CDH4: variants seen among roughly 807,000 people sequenced by gnomAD.
CDH4 encodes cadherin 4, also known as cadherin-4.
A neutral mutation model predicts 86.0 loss-of-function variants in CDH4; 33 were observed. The ratio of observed to expected loss-of-function variants is 0.38; its 90% CI spans 0.29 to 0.51. CDH4 has a LOEUF of 0.51. Ranked by LOEUF, CDH4 falls within the 20% of genes least tolerant of loss-of-function variation. The probability of loss-of-function intolerance (pLI) is 0.86; values close to 1 mark genes in which losing one functional copy is unlikely to be tolerated. For missense variants in CDH4, 1,114 were observed against 1,307.4 expected, an observed-to-expected ratio of 0.85 and a Z score of 2.28; for synonymous variants, 555 against 549.4, an observed-to-expected ratio of 1.01 and a Z score of -0.14.
chr20:61,911,952 T>A (rs2054855893), intron 9 of CDH4, among the ~76,000 whole-genome samples: 1 of 152,188 alleles, frequency 6.6e-6, no homozygotes. Context: ...TTCTCTCACG[T>A]GAGAGGAGTC....
At chr20:61,743,050 A>T (rs73915382) in intron 2 of CDH4, among the ~76,000 whole-genome samples, 22,743 of 152,248 alleles carry the variant, frequency 0.15, 2,025 homozygotes, top group Middle Eastern at 0.26. Flanking sequence ...TTCTGCTGCC[A>T]GAATCCACCT....
At chr20:61,442,098 A>G (rs560277039) in intron 2 of CDH4, among the ~76,000 whole-genome samples, 13 of 152,318 alleles carry the variant, frequency 8.5e-5, no homozygotes, top group Non-Finnish European at 1.8e-4. Context: ...TTCCAGAGAC[A>G]GTTATTACTG....
intron 2 of CDH4, among the ~76,000 whole-genome samples, chr20:61,342,424 T>G (rs1424950735): frequency 6.6e-6 from 1 of 152,184 alleles, no homozygotes; most frequent in Non-Finnish European, 1.5e-5. Flanking sequence ...CATCAGGCAT[T>G]AGATTCTCAT....
rs893454590 is a variant in CDH4 at position 61,508,118 on chromosome 20, C to T, written c.170-235445C>T. Among the ~76,000 whole-genome samples the T allele has an allele frequency of 4.6e-5, 7 of 152,166 alleles. 1 individual carries two copies. The highest frequency in any genetic ancestry group is 7.3e-5 in the Non-Finnish European group (5 of 68,032). ...GTTGTACAAACATAAGCATGCTTCC[C>T]GTGTCCCTAAAAATGTGTTTGGTCA... On this transcript the variant is annotated intron_variant, in intron 2 of 15. Coordinates refer to ENST00000614565, the MANE Select transcript of CDH4 (RefSeq NM_001794.5).
At chr20:61,547,452 G>A (rs990649179) in intron 2 of CDH4, among the ~76,000 whole-genome samples, 3 of 151,658 alleles carry the variant, frequency 2.0e-5, no homozygotes, top group Non-Finnish European at 4.4e-5. Context: ...CTGACCTTGT[G>A]ATCCACCCAC....
chr20:61,751,011 G>A (rs2088486817), intron 3 of CDH4, among the ~76,000 whole-genome samples: 1 of 152,236 alleles, frequency 6.6e-6, no homozygotes, highest in African/African-American at 2.4e-5. Context: ...GAAGGCTTAT[G>A]TTAGAATATT....
At chr20:61,494,709 G>A (rs1179939537) in intron 2 of CDH4, among the ~76,000 whole-genome samples, 1 of 152,216 alleles carries the variant, frequency 6.6e-6, no homozygotes, top group African/African-American at 2.4e-5. Flanking sequence ...CTAGTCAAAG[G>A]CATCAATTTT....
At chr20:61,795,119 AATG>A (rs1979464342) in intron 4 of CDH4, among the ~76,000 whole-genome samples, 1 of 1,040 alleles carries the variant, frequency 9.6e-4, no homozygotes, top group Non-Finnish European at 2.1e-3. Context: ...TGGTGGTGAT[AATG>A]GTGATGATGG....
chr20:61,629,323 C>T (rs1480464681), intron 2 of CDH4, among the ~76,000 whole-genome samples: 1 of 152,130 alleles, frequency 6.6e-6, no homozygotes, highest in Non-Finnish European at 1.5e-5. Flanking sequence ...CAGCCAGAGT[C>T]CCTGGGAGCA....
chr20:61,875,920 CCT>C (rs1683817154), intron 7 of CDH4, among the ~76,000 whole-genome samples: 1 of 139,918 alleles, frequency 7.1e-6, no homozygotes, highest in Non-Finnish European at 1.6e-5. Context: ...GAGGGCAGCC[CCT>C]GTTTGCGCTC....
At chr20:61,901,679 G>A (rs939887437) in intron 8 of CDH4, among the ~76,000 whole-genome samples, 5 of 152,264 alleles carry the variant, frequency 3.3e-5, no homozygotes, top group African/African-American at 1.2e-4. Context: ...AGCACCCAAC[G>A]CCGGGTGGCT....
intron 2 of CDH4, among the ~76,000 whole-genome samples, chr20:61,632,652 C>T (rs1021862238): frequency 4.0e-5 from 6 of 151,816 alleles, no homozygotes; most frequent in Admixed American, 6.6e-5. Flanking sequence ...ACCTCTCTTT[C>T]CATCTCCCCA....
At chr20:61,778,457 T>A (rs1978363934) in intron 4 of CDH4, among the ~76,000 whole-genome samples, 1 of 152,174 alleles carries the variant, frequency 6.6e-6, no homozygotes, top group Non-Finnish European at 1.5e-5. Flanking sequence ...ATCACGTCTC[T>A]TCCTAAGCAC....
At chr20:61,524,365 C>T (rs778755989) in intron 2 of CDH4, among the ~76,000 whole-genome samples, 53 of 152,114 alleles carry the variant, frequency 3.5e-4, no homozygotes, top group African/African-American at 1.2e-3. Flanking sequence ...GCGATTGTGT[C>T]GGCATCCTAT....
chr20:61,842,178 G>T (rs920572474), intron 4 of CDH4, among the ~76,000 whole-genome samples: 1 of 152,332 alleles, frequency 6.6e-6, no homozygotes, highest in Non-Finnish European at 1.5e-5. Context: ...GCAGAGATGA[G>T]GTGCCTGGCG....
chr20:61,609,247 G>A (rs1325215718), intron 2 of CDH4, among the ~76,000 whole-genome samples: 2 of 152,188 alleles, frequency 1.3e-5, no homozygotes, highest in Non-Finnish European at 2.9e-5. Flanking sequence ...AATCACTGGT[G>A]CGTGCTGATG....
chr20:61,514,885 C>T (rs1000174499), intron 2 of CDH4, among the ~76,000 whole-genome samples: 2 of 152,144 alleles, frequency 1.3e-5, no homozygotes, highest in Admixed American at 6.5e-5. Context: ...GGCACCTGGG[C>T]GGCAGCCATG....
At chr20:61,310,837 C>G (rs549775898) in intron 2 of CDH4, among the ~76,000 whole-genome samples, 2 of 152,336 alleles carry the variant, frequency 1.3e-5, no homozygotes, top group Non-Finnish European at 2.9e-5. Context: ...CTAGCTCCCT[C>G]TTCCCACAGG....
rs2087793611 is a variant in CDH4, at chr20:61,703,079, A to G, written c.170-40484A>G. On this transcript the variant is annotated intron_variant, in intron 2 of 15. Transcript: ENST00000614565. This position sits in a 1 kb window ranked among gnomAD's most constrained non-coding sequence, Gnocchi z 4.3. The stretch of plus-strand genomic sequence containing the variant: ...TAGAGCAATGAACATAAAGGATGTC[A>G]TCCCTCTTGGCTGAATTTACACTCT... 6.6e-6 allele frequency among the ~76,000 whole-genome samples: 1 copy of G among 152,214 alleles called. No homozygotes were observed. The highest frequency in any genetic ancestry group is 1.5e-5 in the Non-Finnish European group (1 of 68,050).
Sources: allele counts gnomAD v4.1 joint callset (sites outside exome capture counted in the v4.1 genomes callset), GRCh38; gene constraint gnomAD v4.1.1; non-coding constraint Gnocchi (gnomAD v3.1); transcripts MANE v1.5; gene names NCBI Gene and HGNC (gene_info 2026-07-23, HGNC 2026-07-21).